TENM3: variants seen among roughly 807,000 people sequenced by gnomAD.
TENM3 encodes teneurin-3.
In TENM3, 63 loss-of-function variants were observed where a neutral mutation model predicts 255.1. The ratio of observed to expected loss-of-function variants is 0.25; its 90% CI spans 0.20 to 0.30. TENM3 has a LOEUF of 0.30. Among genes scored for constraint, TENM3 ranks in the 10% least tolerant of loss-of-function variants. The pLI, the probability that TENM3 is intolerant of heterozygous loss-of-function variation, is 1.00. For missense variants in TENM3, 2,929 were observed against 3,461.1 expected (o/e 0.85, Z 3.86); for synonymous variants, 1,306 against 1,322.3 (o/e 0.99, Z 0.27).
chr4:181,991,912 C>T, the TENM3 span, among the ~76,000 whole-genome samples: 2 of 152,224 alleles, frequency 1.3e-5, no homozygotes, highest in South Asian at 2.1e-4. Flanking sequence ...AGATTTACTA[C>T]TCACAATCCT....
chr4:181,583,483 C>A, the TENM3 span, among the ~76,000 whole-genome samples: 8,035 of 152,176 alleles, frequency 0.053, 302 homozygotes, highest in South Asian at 0.12. Flanking sequence ...AATTGTATAT[C>A]CACCCTAATT....
chr4:182,791,519 C>T (rs1766101526), intron 25 of TENM3, among the ~76,000 whole-genome samples: 1 of 152,194 alleles, frequency 6.6e-6, no homozygotes, highest in East Asian at 1.9e-4. Context: ...CATAATTTAG[C>T]ACCAAAGCAG....
intron 24 of TENM3, among the ~76,000 whole-genome samples, chr4:182,788,725 T>G (rs916489202): frequency 3.3e-5 from 5 of 152,266 alleles, no homozygotes; most frequent in African/African-American, 1.2e-4. Flanking sequence ...ATTAATTTAC[T>G]AAGCAATTAT....
At chr4:182,775,961 G>A (rs1446695782) in intron 24 of TENM3, among the ~76,000 whole-genome samples, 7 of 148,538 alleles carry the variant, frequency 4.7e-5, no homozygotes, top group Non-Finnish European at 7.4e-5. Context: ...GTAGATGATA[G>A]ATAGATAGAT....
intron 3 of TENM3, among the ~76,000 whole-genome samples, chr4:182,432,849 G>GTGTGTGTGTGAGTGTGTGTGTGTGT (rs1554066038): frequency 7.0e-6 from 1 of 142,976 alleles, no homozygotes; most frequent in African/African-American, 2.6e-5. Context: ...AATGGATTTG[G>GTGTGTGTGTGAGTGTGTGTGTGTGT]GTGTGTGTGT....
At position 182,323,846 on chromosome 4, in the gene TENM3, AT is replaced by A. The variant is rs1350059172; in HGVS notation, c.-75-99del. On this transcript the variant is annotated intron_variant, in intron 1 of 27. Coordinates refer to ENST00000511685, the MANE Select transcript of TENM3 (RefSeq NM_001080477.4). Reference sequence around the variant, plus strand: ...TGAAAGCAAGTTTCCTAGATAAGCAATACTATTGTTTCCTACCATCCCAGAT... The same window carrying A: ...TGAAAGCAAGTTTCCTAGATAAGCAAACTATTGTTTCCTACCATCCCAGAT... The A allele has an allele frequency of 1.2e-5, 7 of 604,478 alleles. No homozygotes were observed. The African/African-American group carries it at 1.3e-4, about 11-fold the overall frequency. The allele number at this position is 604,478 out of a possible 1,614,324, so 37.4% of individuals were successfully genotyped here.
chr4:182,514,209 C>T (rs528112442), intron 3 of TENM3, among the ~76,000 whole-genome samples: 5 of 152,160 alleles, frequency 3.3e-5, no homozygotes, highest in South Asian at 2.1e-4. Flanking sequence ...ATGTTGTGCG[C>T]CTAAATGAAA....
chr4:181,904,168 C>T, the TENM3 span, among the ~76,000 whole-genome samples: 3 of 152,092 alleles, frequency 2.0e-5, no homozygotes, highest in Non-Finnish European at 2.9e-5. Flanking sequence ...AGCATCCCCA[C>T]GATCTGACTG....
At chr4:182,301,046 AAAG>A (rs1333774666) in intron 1 of TENM3, among the ~76,000 whole-genome samples, 1 of 152,222 alleles carries the variant, frequency 6.6e-6, no homozygotes, top group Non-Finnish European at 1.5e-5. Flanking sequence ...TATACATTTG[AAAG>A]AAGAATGAAG....
the TENM3 span, among the ~76,000 whole-genome samples, chr4:181,624,100 C>T: frequency 8.5e-5 from 13 of 152,138 alleles, no homozygotes; most frequent in African/African-American, 3.1e-4. Flanking sequence ...ACATAACCAG[C>T]CTAGCGTCTA....
the TENM3 span, among the ~76,000 whole-genome samples, chr4:182,025,020 ATTT>A: frequency 1.4e-4 from 17 of 121,114 alleles, no homozygotes; most frequent in African/African-American, 5.4e-4. Flanking sequence ...ACAGGATTTC[ATTT>A]TTTTTTTTTT....
chr4:182,372,948 C>G (rs187147745), intron 3 of TENM3, among the ~76,000 whole-genome samples: 1 of 152,046 alleles, frequency 6.6e-6, no homozygotes, highest in Non-Finnish European at 1.5e-5. Context: ...CCAGGTTGCT[C>G]AGGCTGGTCT....
chr4:182,405,281 T>C (rs1022784305), intron 3 of TENM3, among the ~76,000 whole-genome samples: 11 of 152,178 alleles, frequency 7.2e-5, no homozygotes, highest in Non-Finnish European at 1.6e-4. Context: ...TGCCTCCTTT[T>C]GTACTCACAG....
chr4:182,436,420 C>T (rs1055543858), intron 3 of TENM3, among the ~76,000 whole-genome samples: 2 of 152,280 alleles, frequency 1.3e-5, no homozygotes, highest in African/African-American at 4.8e-5. Flanking sequence ...CTTCGAGTTC[C>T]TTTTAGGTTG....
At chr4:182,187,674 A>G (rs1046906499) in intron 1 of TENM3, among the ~76,000 whole-genome samples, 8 of 152,202 alleles carry the variant, frequency 5.3e-5, no homozygotes, top group Non-Finnish European at 1.2e-4. Context: ...GGAAAAAATG[A>G]GGAAGAAAAG....
chr4:181,822,970 G>A, the TENM3 span, among the ~76,000 whole-genome samples: 1 of 152,136 alleles, frequency 6.6e-6, no homozygotes, highest in Non-Finnish European at 1.5e-5. Context: ...ATGTGGCAAT[G>A]AGAATACGAT....
intron 3 of TENM3, among the ~76,000 whole-genome samples, chr4:182,406,245 C>T (rs1769565586): frequency 6.6e-6 from 1 of 151,952 alleles, no homozygotes; most frequent in Non-Finnish European, 1.5e-5. Context: ...TCAGAGGTTG[C>T]AGTGAGCCAA....
the TENM3 span, among the ~76,000 whole-genome samples, chr4:181,898,275 C>G: frequency 2.0e-5 from 3 of 151,852 alleles, no homozygotes; most frequent in African/African-American, 2.4e-5. Flanking sequence ...CACACACACA[C>G]ACACACACAC....
intron 12 of TENM3, among the ~76,000 whole-genome samples, chr4:182,705,980 A>T (rs143261287): frequency 7.2e-5 from 11 of 152,300 alleles, no homozygotes; most frequent in African/African-American, 2.6e-4. Context: ...GTCATTTATG[A>T]AGCGGTGTCA....
Sources: gnomAD v4.1 joint callset for allele counts (sites outside exome capture counted in the v4.1 genomes callset) on GRCh38, gnomAD v4.1.1 for gene constraint, MANE v1.5 for transcripts, NCBI Gene and HGNC (gene_info 2026-07-23, HGNC 2026-07-21) for gene names.